Variants in IMMP2L observed in about 807,000 individuals in gnomAD.
IMMP2L encodes the protein mitochondrial inner membrane protease subunit 2.
In IMMP2L, 18 loss-of-function variants were observed where a neutral mutation model predicts 19.3. The ratio of observed to expected loss-of-function variants is 0.93; its 90% CI spans 0.64 to 1.38. The LOEUF (loss-of-function observed/expected upper bound fraction) is 1.38, where lower values mean the gene tolerates loss of function less well. Among genes scored for constraint, IMMP2L ranks in the 40% most tolerant of loss-of-function variants. The pLI is 0.00. For synonymous variants in IMMP2L, 76 were observed against 73.0 expected (o/e 1.04, Z -0.21); for missense variants, 233 against 218.2 (o/e 1.07, Z -0.43).
intron 3 of IMMP2L, among the ~76,000 whole-genome samples, chr7:111,441,307 G>A (rs1039313112): frequency 6.6e-6 from 1 of 151,856 alleles, no homozygotes; most frequent in Non-Finnish European, 1.5e-5. Flanking sequence ...TCTAGCTTTT[G>A]ATTTAAAGTG....
intron 3 of IMMP2L, among the ~76,000 whole-genome samples, chr7:111,007,459 A>C (rs1187658959): frequency 6.6e-6 from 1 of 152,078 alleles, no homozygotes; most frequent in African/African-American, 2.4e-5. Context: ...GGACTTTGGA[A>C]ATACAAAAAC....
At chr7:110,982,137 G>A (rs2129558213) in intron 3 of IMMP2L, among the ~76,000 whole-genome samples, 1 of 152,090 alleles carries the variant, frequency 6.6e-6, no homozygotes, top group South Asian at 2.1e-4. Flanking sequence ...CTGATTTCAG[G>A]TTCTATTAGA....
intron 1 of IMMP2L, among the ~76,000 whole-genome samples, chr7:111,536,187 G>T (rs550872732): frequency 7.1e-4 from 108 of 152,134 alleles, no homozygotes; most frequent in Non-Finnish European, 1.3e-3. Flanking sequence ...TAAAATATGG[G>T]TTTTAGCTTC....
At chr7:111,112,038 C>A (rs1799294904) in intron 3 of IMMP2L, among the ~76,000 whole-genome samples, 1 of 146,734 alleles carries the variant, frequency 6.8e-6, no homozygotes, top group Non-Finnish European at 1.5e-5. Context: ...ACCTCTGCCT[C>A]CTGGGTTCCG....
chr7:110,984,455 G>A (rs560163231), intron 3 of IMMP2L, among the ~76,000 whole-genome samples: 1 of 152,042 alleles, frequency 6.6e-6, no homozygotes, highest in Admixed American at 6.6e-5. Context: ...CACTAGAAGT[G>A]TGAATATACT....
intron 3 of IMMP2L, among the ~76,000 whole-genome samples, chr7:111,399,078 A>C (rs970861174): frequency 1.3e-5 from 2 of 152,116 alleles, no homozygotes; most frequent in Admixed American, 6.6e-5. Flanking sequence ...AATTCAAAGC[A>C]ATCTCCACCA....
At chr7:110,856,069 G>C (rs1485631339) in intron 5 of IMMP2L, among the ~76,000 whole-genome samples, 5 of 151,892 alleles carry the variant, frequency 3.3e-5, no homozygotes, top group African/African-American at 1.2e-4. Context: ...TTCTTATAAT[G>C]TTTGAACTGT....
At chr7:110,992,817 T>C (rs1488627183) in intron 3 of IMMP2L, among the ~76,000 whole-genome samples, 1 of 152,116 alleles carries the variant, frequency 6.6e-6, no homozygotes, top group Non-Finnish European at 1.5e-5. Flanking sequence ...CTTATTCAAA[T>C]TGCCAGCTTC....
At chr7:111,215,886 T>A (rs1811875482) in intron 3 of IMMP2L, among the ~76,000 whole-genome samples, 1 of 152,166 alleles carries the variant, frequency 6.6e-6, no homozygotes, top group Non-Finnish European at 1.5e-5. Context: ...AGAATTTGTA[T>A]TTAATCTTCA....
chr7:111,350,117 G>A (rs1173181950), intron 3 of IMMP2L, among the ~76,000 whole-genome samples: 7 of 151,540 alleles, frequency 4.6e-5, no homozygotes, highest in African/African-American at 1.2e-4. Context: ...ACACGTGCAC[G>A]CCACCATGCC....
At chr7:110,666,835 A>C (rs1791492478) in intron 5 of IMMP2L, among the ~76,000 whole-genome samples, 1 of 152,212 alleles carries the variant, frequency 6.6e-6, no homozygotes, top group Non-Finnish European at 1.5e-5. Flanking sequence ...TACCAACAAT[A>C]AATCTGCTGA....
chr7:110,937,350 T>C (rs1816235943), intron 4 of IMMP2L, among the ~76,000 whole-genome samples: 1 of 151,746 alleles, frequency 6.6e-6, no homozygotes, highest in Non-Finnish European at 1.5e-5. Flanking sequence ...TTAAGAGGAG[T>C]GGGCGTGGGC....
chr7:111,049,148 T>TTTG (rs1792753181), intron 3 of IMMP2L, among the ~76,000 whole-genome samples: 2 of 99,696 alleles, frequency 2.0e-5, no homozygotes, highest in African/African-American at 7.5e-5. Flanking sequence ...TTTTTTTTTT[T>TTTG]GGGACGGAGT....
intron 4 of IMMP2L, among the ~76,000 whole-genome samples, chr7:110,899,132 C>A (rs11980227): frequency 3.3e-5 from 5 of 152,054 alleles, no homozygotes; most frequent in Non-Finnish European, 7.4e-5. Flanking sequence ...AAGTACAGAA[C>A]GATACAGTAT....
At chr7:110,913,115 A>G (rs1181463547) in intron 4 of IMMP2L, among the ~76,000 whole-genome samples, 2 of 152,174 alleles carry the variant, frequency 1.3e-5, no homozygotes, top group Non-Finnish European at 2.9e-5. Flanking sequence ...TAGGATTACT[A>G]GGATATGTTT....
chr7:111,056,500 A>C (rs1361336292), intron 3 of IMMP2L, among the ~76,000 whole-genome samples: 1 of 152,246 alleles, frequency 6.6e-6, no homozygotes, highest in African/African-American at 2.4e-5. Flanking sequence ...TAGATATTTA[A>C]AACATTTGAG....
At chr7:111,409,474 A>C (rs1055915477) in intron 3 of IMMP2L, among the ~76,000 whole-genome samples, 2 of 151,832 alleles carry the variant, frequency 1.3e-5, no homozygotes, top group Non-Finnish European at 2.9e-5. Flanking sequence ...ATCCATTTTT[A>C]AAAGAAGCTG....
intron 5 of IMMP2L, among the ~76,000 whole-genome samples, chr7:110,769,305 C>T (rs10499999): frequency 0.32 from 48,476 of 152,054 alleles, 7,954 homozygotes; most frequent in Middle Eastern, 0.37. Context: ...ATTTTGCATT[C>T]ATCTGGCATA....
At chr7:110,909,922 TAGAC>T (rs1373623657) in intron 4 of IMMP2L, among the ~76,000 whole-genome samples, 33 of 141,330 alleles carry the variant, frequency 2.3e-4, no homozygotes, top group Non-Finnish European at 3.5e-4. Flanking sequence ...GAGAGAGAGA[TAGAC>T]AGAGAGAGAG....
Sources: gnomAD v4.1 joint callset for allele counts (sites outside exome capture counted in the v4.1 genomes callset) on GRCh38, gnomAD v4.1.1 for gene constraint, MANE v1.5 for transcripts, NCBI Gene and HGNC (gene_info 2026-07-23, HGNC 2026-07-21) for gene names.